Variants in HMGCS2 observed in about 807,000 individuals in gnomAD.
HMGCS2 encodes hydroxymethylglutaryl-CoA synthase, mitochondrial.
HMGCS2 carries 50 observed loss-of-function variants against 57.4 expected under a neutral mutation model. The observed-to-expected ratio is 0.87, with a 90% CI of 0.69 to 1.10. The LOEUF (loss-of-function observed/expected upper bound fraction) is 1.10, where lower values mean the gene tolerates loss of function less well. HMGCS2 is among the 50% of genes least tolerant of loss of function. HMGCS2 has a pLI of 0.00. For missense variants in HMGCS2, 627 were observed against 636.5 expected, an observed-to-expected ratio of 0.99 and a Z score of 0.16; for synonymous variants, 254 against 245.1, an observed-to-expected ratio of 1.04 and a Z score of -0.34.
At chr1:119,758,802 G>A (rs6662742) in intron 4 of HMGCS2, among the ~76,000 whole-genome samples, 7,712 of 152,246 alleles carry the variant, frequency 0.051, 647 homozygotes, top group African/African-American at 0.17. Flanking sequence ...AACCACTGTC[G>A]AATGTGACTG....
Position 119,759,242 on chromosome 1 carries a change from G to C in HMGCS2, c.726C>G (p.Tyr242Ter), listed in dbSNP as rs145838142. The change falls in exon 4 of 10, where the codon TAC (tyrosine) becomes TAG (stop). Residue 242 changes from tyrosine to a stop codon, truncating the protein, a stop_gained. Coordinates refer to ENST00000369406, the MANE Select transcript of HMGCS2 (RefSeq NM_005518.4). LOFTEE classifies it high-confidence loss of function. ...GGTACTCCGAGGCCAAATTTGGTTT[G>C]TAGAAGTCATACACATTCTCCATAT... ...GTHMENVYDF[Y>*]KPNLASEYPI... The C allele has an allele frequency of 2.1e-5, 34 of 1,613,930 alleles. No homozygotes were observed. In the African/African-American group the frequency reaches 4.5e-4, roughly 22 times the overall value.
At chr1:119,752,489 C>T in intron 8 of HMGCS2, 60 bp downstream of exon 8, 3 of 1,586,818 alleles carry the variant, frequency 1.9e-6, no homozygotes, top group South Asian at 1.1e-5. Context: ...CCAAAGAAAT[C>T]CCTGGCTCCC....
At chr1:119,752,328 C>T (rs905746925) in intron 8 of HMGCS2, among the ~76,000 whole-genome samples, 2 of 152,170 alleles carry the variant, frequency 1.3e-5, no homozygotes, top group African/African-American at 4.8e-5. Context: ...ATATTCTATA[C>T]TGGGAAGCTG....
chr1:119,768,600 C>T, intron 1 of HMGCS2, 141 bp downstream of exon 1: 1 of 697,960 alleles, frequency 1.4e-6, no homozygotes, highest in Non-Finnish European at 2.6e-6. Context: ...TAACTGAGAC[C>T]CTTTAAAGTT....
intron 8 of HMGCS2, 31 bp downstream of exon 8, chr1:119,752,518 T>C (rs1280039725): frequency 7.4e-6 from 12 of 1,612,268 alleles, no homozygotes; most frequent in Non-Finnish European, 9.3e-6. Context: ...GAATGGGGTC[T>C]CTCTTCCTCT....
At chr1:119,764,114 T>C in intron 2 of HMGCS2, 58 bp downstream of exon 2, 4 of 1,515,474 alleles carry the variant, frequency 2.6e-6, no homozygotes, top group Non-Finnish European at 3.7e-6. Flanking sequence ...GCAAAACTGG[T>C]AATATTCAGC....
intron 6 of HMGCS2, among the ~76,000 whole-genome samples, chr1:119,753,967 C>G (rs763433141): frequency 4.6e-5 from 7 of 151,826 alleles, no homozygotes; most frequent in Non-Finnish European, 8.8e-5. Context: ...TCACTGCAGC[C>G]TTTACCTCCT....
chr1:119,752,516 T>C (rs762917740), intron 8 of HMGCS2, 33 bp downstream of exon 8: 2 of 1,611,310 alleles, frequency 1.2e-6, no homozygotes, highest in East Asian at 2.2e-5. Context: ...TGGAATGGGG[T>C]CTCTCTTCCT....
intron 1 of HMGCS2, among the ~76,000 whole-genome samples, chr1:119,766,006 C>T (rs150274401): frequency 5.9e-5 from 9 of 152,216 alleles, no homozygotes; most frequent in African/African-American, 1.2e-4. Flanking sequence ...CAATTCTAAA[C>T]GAGAGCAGAG....
intron 4 of HMGCS2, among the ~76,000 whole-genome samples, chr1:119,758,409 C>CTT (rs113295409): frequency 8.2e-5 from 12 of 146,426 alleles, no homozygotes; most frequent in African/African-American, 2.5e-4. Context: ...AACTTTTGTA[C>CTT]TTTTTTTTTT....
chr1:119,768,911 G>C, upstream of HMGCS2: 3 of 1,128,334 alleles, frequency 2.7e-6, no homozygotes, highest in Non-Finnish European at 4.0e-6. Context: ...GAGATGCCCA[G>C]TGGTGCCCGG....
chr1:119,748,050 C>T lies in HMGCS2; in HGVS notation c.*797G>A, dbSNP rs1240610116. ...CTATAGAAGGCAAAAACTTGTTAAC[C>T]TTTGCGCTGTGTTTATTTGTTCAAA... On this transcript the variant is annotated 3_prime_UTR_variant, in exon 10 of 10. Transcript: ENST00000369406. 6.6e-6 allele frequency: 1 copy of T among 152,212 alleles called. No individual in the cohort carries two copies. Among genetic ancestry groups the T allele is most frequent in the Non-Finnish European group, 1.5e-5 (1 of 68,032 alleles). 9.4% of individuals were successfully genotyped at this position (152,212 alleles called of 1,614,324 possible). A position where few individuals can be genotyped will look rare whatever the true frequency, so the allele number is the denominator to read the frequency against.
chr1:119,759,971 A>T lies in HMGCS2; in HGVS notation c.578T>A (p.Val193Asp). 1 of 1,614,106 alleles carries T rather than the reference A, an allele frequency of 6.2e-7. No individual in the cohort carries two copies. The highest frequency in any genetic ancestry group is 8.5e-7 in the Non-Finnish European group (1 of 1,179,932). The change falls in exon 3 of 10, where the codon GTC becomes GAC. Residue 193 changes from valine to aspartate, a missense_variant. Physicochemically the swap from Val to Asp is radical, Grantham distance 152. Coordinates refer to ENST00000369406, the MANE Select transcript of HMGCS2 (RefSeq NM_005518.4). ...SSWDGRYAMV[V>D]CGDIAVYPSG... is the part of the protein sequence containing the mutation. ...GGGATAGACGGCAATGTCTCCACAGACCACCATGGCATAACGACCTGTAAA... is the reference window on the plus strand; with the variant it reads ...GGGATAGACGGCAATGTCTCCACAGTCCACCATGGCATAACGACCTGTAAA...
Position 119,764,637 on chromosome 1 carries a change from G to T in HMGCS2, c.105-11C>A, listed in dbSNP as rs587615326. The T allele has an allele frequency of 1.2e-6, 2 of 1,600,020 alleles. No homozygotes were observed. The highest frequency in any genetic ancestry group is 2.7e-5 in the African/African-American group (2 of 74,776). ...GAGGCTGTAGAAAACCTGTGATGGAGATAACAGTCAAACTCCCACTAATGG... is the reference window on the plus strand; with the variant it reads ...GAGGCTGTAGAAAACCTGTGATGGATATAACAGTCAAACTCCCACTAATGG... On this transcript the variant is annotated splice_polypyrimidine_tract_variant and intron_variant, in intron 1 of 9. Coordinates refer to ENST00000369406, the MANE Select transcript of HMGCS2 (RefSeq NM_005518.4).
Position 119,750,855 on chromosome 1 carries a change from G to A in HMGCS2, c.1474C>T (p.Leu492=), listed in dbSNP as rs1652633419. Residue 492 remains leucine (L), a synonymous_variant, in exon 9 of 10, where the codon CTG becomes TTG. Coordinates refer to ENST00000369406, the MANE Select transcript of HMGCS2 (RefSeq NM_005518.4). ...TNSLFPGTWY[L]ERVDEQHRRK... ...CGATGCTGCTCGTCCACTCGCTCCA[G>A]GTACCAAGTACCTGGGAAAAGGCTG... 1 of 1,613,904 alleles carries A rather than the reference G, an allele frequency of 6.2e-7. No individual in the cohort carries two copies.
At chr1:119,762,525 T>C (rs587705116) in intron 2 of HMGCS2, among the ~76,000 whole-genome samples, 1 of 152,002 alleles carries the variant, frequency 6.6e-6, no homozygotes, top group African/African-American at 2.4e-5. Context: ...CCTCATCCCC[T>C]CCACTTTTCT....
chr1:119,757,250 G>A (rs1372752387), intron 5 of HMGCS2, 23 bp downstream of exon 5: 2 of 1,613,898 alleles, frequency 1.2e-6, no homozygotes, highest in Non-Finnish European at 1.7e-6. Flanking sequence ...CCAGCCTCTA[G>A]GCTCCCCAAG....
chr1:119,752,529 C>T lies in HMGCS2; in HGVS notation c.1420+20G>A, dbSNP rs1180584862. ...ACTGGAATGGGGTCTCTCTTCCTCT[C>T]TTCCTGACTTTTTTCTTACCCTTAT... On this transcript the variant is annotated intron_variant, in intron 8 of 9. Coordinates refer to ENST00000369406, the MANE Select transcript of HMGCS2 (RefSeq NM_005518.4). 3.7e-6 allele frequency: 6 copies of T among 1,613,416 alleles called. No individual in the cohort carries two copies. The South Asian group carries it at 4.4e-5, about 12-fold the overall frequency.
At chr1:119,759,800 G>A in intron 3 of HMGCS2, 64 bp downstream of exon 3, 1 of 1,596,418 alleles carries the variant, frequency 6.3e-7, no homozygotes, top group Non-Finnish European at 8.6e-7. Flanking sequence ...GTGCCAATGT[G>A]GGATTAGGAT....
Sources: allele counts gnomAD v4.1 joint callset (sites outside exome capture counted in the v4.1 genomes callset), GRCh38; gene constraint gnomAD v4.1.1; transcripts MANE v1.5; gene names NCBI Gene and HGNC (gene_info 2026-07-23, HGNC 2026-07-21).